Variants in COL11A2 observed in about 807,000 individuals in gnomAD.
The protein encoded by COL11A2 is collagen type XI alpha 2 chain.
COL11A2 carries 116 observed loss-of-function variants against 273.4 expected under a neutral mutation model. The ratio of observed to expected loss-of-function variants is 0.42; its 90% CI spans 0.36 to 0.49. The LOEUF is 0.49. Ranked by LOEUF, COL11A2 falls within the 20% of genes least tolerant of loss-of-function variation. COL11A2 has a pLI of 0.00. For synonymous variants in COL11A2, 782 were observed against 864.2 expected (o/e 0.90, Z 1.67); for missense variants, 1,866 against 2,309.0 (o/e 0.81, Z 3.93).
In COL11A2 at chr6:33,174,476, C is replaced by G. The variant is rs2855428; in HGVS notation, c.2430+51G>C. 1,191,096 of 1,600,220 alleles carry G rather than the reference C, an allele frequency of 0.74. 447,270 individuals are homozygous for G. The highest frequency in any genetic ancestry group is 0.98 in the East Asian group (43,808 of 44,692). On this transcript the variant is annotated intron_variant, in intron 31 of 65. Transcript: ENST00000341947. ...TTTCTGGAATCAGGGATCAGGGAAGCGAAGAGGAGGAGGGAAGAGGAGGAG... is the reference window on the plus strand; with the variant it reads ...TTTCTGGAATCAGGGATCAGGGAAGGGAAGAGGAGGAGGGAAGAGGAGGAG...
chr6:33,192,500 C>A, upstream of COL11A2: 1 of 546,234 alleles, frequency 1.8e-6, no homozygotes, highest in South Asian at 2.1e-5. Flanking sequence ...AGAGCCCCCA[C>A]CTCGCCCCCG....
Position 33,192,199 on chromosome 6 carries a change from T to TAGGAGG in COL11A2, c.36_41dup (p.Leu13_Leu14dup). On this transcript the variant is annotated inframe_insertion, in exon 1 of 66. Transcript: ENST00000341947. ...CCGCGCTCAGCCCCAGCACCAGAGG[T>TAGGAGG]AGGAGGAGGAGGAGGCGATGGCAGC... 6.4e-7 allele frequency: 1 copy of TAGGAGG among 1,565,942 alleles called. No individual in the cohort carries two copies. The highest frequency in any genetic ancestry group is 8.7e-7 in the Non-Finnish European group (1 of 1,155,400).
At position 33,176,687 on chromosome 6, in the gene COL11A2, C is replaced by T; in HGVS notation, c.2115+34G>A. On this transcript the variant is annotated intron_variant, in intron 26 of 65. Coordinates refer to ENST00000341947, the MANE Select transcript of COL11A2 (RefSeq NM_080680.3). The surrounding 1 kb of genome is among the most constrained non-coding windows in gnomAD (Gnocchi z 4.9). Reference sequence around the variant, plus strand: ...TGAGGCTCTAGAGTCTGAGTGGAGACTCCCTCAGGGGATAAAGACATGGAA... The same window carrying T: ...TGAGGCTCTAGAGTCTGAGTGGAGATTCCCTCAGGGGATAAAGACATGGAA... The T allele has an allele frequency of 6.2e-7, 1 of 1,600,388 alleles. No homozygotes were observed. The highest frequency in any genetic ancestry group is 8.6e-7 in the Non-Finnish European group (1 of 1,169,406).
Position 33,164,138 on chromosome 6 carries a change from A to G in COL11A2, c.5070+129T>C. 8.8e-7 allele frequency: 1 copy of G among 1,140,338 alleles called. No individual in the cohort carries two copies. 70.6% of individuals were successfully genotyped at this position (1,140,338 alleles called of 1,614,324 possible). A position where few individuals can be genotyped will look rare whatever the true frequency, so the allele number is the denominator to read the frequency against. ...CACCGGCTTTTGAGCTCCCTCAGGCATCCCTGACAATCCAGCAGGACGGAC... is the reference window on the plus strand; with the variant it reads ...CACCGGCTTTTGAGCTCCCTCAGGCGTCCCTGACAATCCAGCAGGACGGAC... On this transcript the variant is annotated intron_variant, in intron 65 of 65. Transcript: ENST00000341947. This position sits in a 1 kb window ranked among gnomAD's most constrained non-coding sequence, Gnocchi z 4.7.
rs549623570 is a variant in COL11A2 at position 33,177,932 on chromosome 6, C to T, written c.1872+200G>A. On this transcript the variant is annotated intron_variant, in intron 21 of 65. Transcript: ENST00000341947. The surrounding 1 kb of genome is among the most constrained non-coding windows in gnomAD (Gnocchi z 5.9). ...ATTTATTTCCTATGCCCAGAGCCCTCAGGGCACCACGCCACATGGCCCTCC... is the reference window on the plus strand; with the variant it reads ...ATTTATTTCCTATGCCCAGAGCCCTTAGGGCACCACGCCACATGGCCCTCC... 2.5e-5 allele frequency: 19 copies of T among 768,868 alleles called. No individual in the cohort carries two copies. The highest frequency in any genetic ancestry group is 1.6e-4 in the African/African-American group (9 of 57,566). 47.6% of individuals were successfully genotyped at this position (768,868 alleles called of 1,614,324 possible).
Position 33,177,850 on chromosome 6 carries a change from A to G in COL11A2, c.1873-144T>C. The G allele has an allele frequency of 1.1e-6, 1 of 920,624 alleles. No homozygotes were observed. Among genetic ancestry groups the G allele is most frequent in the Non-Finnish European group, 1.7e-6 (1 of 572,122 alleles). 57.0% of individuals were successfully genotyped at this position (920,624 alleles called of 1,614,324 possible). On this transcript the variant is annotated intron_variant, in intron 21 of 65. Transcript: ENST00000341947. The surrounding 1 kb of genome is among the most constrained non-coding windows in gnomAD (Gnocchi z 5.9). ...GCAAACACAGCTGGCCCAGGCCTGC[A>G]GTGTGTGGGACTGTGGATCTGTGGG... is the stretch of plus-strand genomic sequence containing the variant.
At chr6:33,175,521 C>T (rs1344082535) in intron 30 of COL11A2, 53 bp downstream of exon 30, 3 of 1,512,558 alleles carry the variant, frequency 2.0e-6, no homozygotes, top group African/African-American at 2.7e-5. Context: ...CCCATCCTGA[C>T]CCCAGTGCCC....
In COL11A2 at chr6:33,168,368, G is replaced by A. The variant is rs986521; in HGVS notation, c.3960+151C>T. 0.79 allele frequency: 680,477 copies of A among 861,220 alleles called. 272,669 individuals carry two copies. The highest frequency in any genetic ancestry group is 0.99 in the East Asian group (37,848 of 38,194). The allele number at this position is 861,220 out of a possible 1,614,324, so 53.3% of individuals were successfully genotyped here. A position where few individuals can be genotyped will look rare whatever the true frequency, so the allele number is the denominator to read the frequency against. On this transcript the variant is annotated intron_variant, in intron 54 of 65. Coordinates refer to ENST00000341947, the MANE Select transcript of COL11A2 (RefSeq NM_080680.3). ...TGCCCCGGGCAATGAGATACCACAC[G>A]CCCTTAAACCCACCAGCTCCTGCAC...
upstream of COL11A2, chr6:33,192,542 G>A: frequency 4.7e-6 from 2 of 425,666 alleles, no homozygotes; most frequent in South Asian, 2.4e-5. Context: ...CCAGCCGCCC[G>A]CCCACAGCCA....
Position 33,170,580 on chromosome 6 carries a change from C to T in COL11A2, c.3505G>A (p.Glu1169Lys). ...ACCATAGGACCCACATCTCCTGTTT[C>T]TCCCTTCTCCCCAGAGGGGCCTGGC... Reference protein sequence around the residue: ...GLPGPSGEKGETGDVGPMGPP... With the variant: ...GLPGPSGEKGKTGDVGPMGPP... Residue 1169 changes from glutamate (E) to lysine (K), a missense_variant, in exon 47 of 66, where the codon GAA (glutamate) becomes AAA (lysine). Glu to Lys is a moderately conservative substitution (Grantham distance 56). Coordinates refer to ENST00000341947, the MANE Select transcript of COL11A2 (RefSeq NM_080680.3). This position sits in a 1 kb window ranked among gnomAD's most constrained non-coding sequence, Gnocchi z 4.3. 1 of 1,612,394 alleles carries T rather than the reference C, an allele frequency of 6.2e-7. No individual in the cohort carries two copies. The highest frequency in any genetic ancestry group is 8.5e-7 in the Non-Finnish European group (1 of 1,179,818).
Position 33,165,633 on chromosome 6 carries a change from G to A in COL11A2, c.4666C>T (p.Gln1556Ter). ...SLDSLREEIEQMRRPTGTQDS... is the reference protein window; with the variant it reads ...SLDSLREEIE Reference sequence around the variant, plus strand: ...TGGGTCCCTGTTGGCCGCCTCATCTGCTCGATCTCCTCCCGCAGGGAGTCG... The same window carrying A: ...TGGGTCCCTGTTGGCCGCCTCATCTACTCGATCTCCTCCCGCAGGGAGTCG... Residue 1556 changes from glutamine to a stop codon, truncating the protein, a stop_gained, in exon 63 of 66, where the codon CAG becomes TAG. Transcript: ENST00000341947. LOFTEE classifies it high-confidence loss of function. The surrounding 1 kb of genome is among the most constrained non-coding windows in gnomAD (Gnocchi z 7.7). 1 of 1,613,094 alleles carries A rather than the reference G, an allele frequency of 6.2e-7. No individual in the cohort carries two copies. Among genetic ancestry groups the A allele is most frequent in the Non-Finnish European group, 8.5e-7 (1 of 1,180,012 alleles).
Position 33,185,072 on chromosome 6 carries a change from A to T in COL11A2, c.877-18T>A. 1 of 1,541,428 alleles carries T rather than the reference A, an allele frequency of 6.5e-7. No individual in the cohort carries two copies. Among genetic ancestry groups the T allele is most frequent in the Non-Finnish European group, 8.8e-7 (1 of 1,137,956 alleles). The stretch of plus-strand genomic sequence containing the variant: ...GTGGGGTCCTGACCCCAAGGAGAGA[A>T]GGAGAAGAGTAGCACGGGGTGGGAA... On this transcript the variant is annotated intron_variant, in intron 6 of 65. Coordinates refer to ENST00000341947, the MANE Select transcript of COL11A2 (RefSeq NM_080680.3).
In COL11A2 at chr6:33,170,268, A is replaced by G; in HGVS notation, c.3582+58T>C. Reference sequence around the variant, plus strand: ...CGATACTAGAGTTTATGGTCTGGGAAAGGGAGGCAGAAGACCAGACACATT... The same window carrying G: ...CGATACTAGAGTTTATGGTCTGGGAGAGGGAGGCAGAAGACCAGACACATT... On this transcript the variant is annotated intron_variant, in intron 48 of 65. Coordinates refer to ENST00000341947, the MANE Select transcript of COL11A2 (RefSeq NM_080680.3). The surrounding 1 kb of genome is among the most constrained non-coding windows in gnomAD (Gnocchi z 4.3). 1 of 1,594,042 alleles carries G rather than the reference A, an allele frequency of 6.3e-7. No individual in the cohort carries two copies. The highest frequency in any genetic ancestry group is 8.6e-7 in the Non-Finnish European group (1 of 1,164,988).
intron 5 of COL11A2, 45 bp downstream of exon 5, chr6:33,186,582 C>T (rs1474197894): frequency 3.7e-6 from 6 of 1,613,838 alleles, no homozygotes; most frequent in Non-Finnish European, 5.1e-6. Context: ...GGTGTCTTCC[C>T]TCTCTGGGGT....
At position 33,164,375 on chromosome 6, in the gene COL11A2, G is replaced by A; in HGVS notation, c.4962C>T (p.Pro1654=). The change falls in exon 65 of 66, where the codon CCC becomes CCT. Residue 1654 remains proline (P), a synonymous_variant. Coordinates refer to ENST00000341947, the MANE Select transcript of COL11A2 (RefSeq NM_080680.3). The surrounding 1 kb of genome is among the most constrained non-coding windows in gnomAD (Gnocchi z 4.7). ...GACCGTCACGGGCTGCTCCAGAGCA[G>A]GGGTAGGAGACGTCCTGGTGGGCTG... ...SVSAHQDVSY[P]CSGAARDGPL... is the part of the protein sequence containing the mutation. 6.2e-7 allele frequency: 1 copy of A among 1,611,974 alleles called. No individual in the cohort carries two copies.
Position 33,164,746 on chromosome 6 carries a change from C to CGG in COL11A2, c.4863+104_4863+105dup. 4 of 919,204 alleles carry CGG rather than the reference C, an allele frequency of 4.4e-6. No homozygotes were observed. The highest frequency in any genetic ancestry group is 1.6e-6 in the Non-Finnish European group (1 of 609,570). 56.9% of individuals were successfully genotyped at this position (919,204 alleles called of 1,614,324 possible). A position where few individuals can be genotyped will look rare whatever the true frequency, so the allele number is the denominator to read the frequency against. ...GAAGTGGAGAAGGGGTGGCAGGCTC[C>CGG]GGGGGGGGCAACAGCCAGGGGACTG... On this transcript the variant is annotated intron_variant, in intron 64 of 65. Transcript: ENST00000341947. This position sits in a 1 kb window ranked among gnomAD's most constrained non-coding sequence, Gnocchi z 4.7.
At chr6:33,175,441 A>T (rs1384489649) in intron 30 of COL11A2, 133 bp downstream of exon 30, 1 of 762,616 alleles carries the variant, frequency 1.3e-6, no homozygotes, top group Non-Finnish European at 2.3e-6. Context: ...TGCCATTTAC[A>T]CAGACAGAAG....
chr6:33,180,846 T>TC, intron 10 of COL11A2, 116 bp from the exon 11 acceptor site: 2 of 1,554,792 alleles, frequency 1.3e-6, no homozygotes, highest in Non-Finnish European at 1.8e-6. Context: ...AAGCGTTGAT[T>TC]GGAGGGATGC....
In COL11A2 at chr6:33,165,817, C is replaced by T. The variant is rs1164060007; in HGVS notation, c.4483-1G>A. 6.2e-7 allele frequency: 1 copy of T among 1,613,538 alleles called. No individual in the cohort carries two copies. Among genetic ancestry groups the T allele is most frequent in the Non-Finnish European group, 8.5e-7 (1 of 1,179,996 alleles). ...GCTGGATCACCTCGCCTGGGGGACCCTGGGTGCAGGGACAGATGGAGAGGG... is the reference window on the plus strand; with the variant it reads ...GCTGGATCACCTCGCCTGGGGGACCTTGGGTGCAGGGACAGATGGAGAGGG... On this transcript the variant is annotated splice_acceptor_variant, in intron 62 of 65. Transcript: ENST00000341947. LOFTEE classifies it high-confidence loss of function. The surrounding 1 kb of genome is among the most constrained non-coding windows in gnomAD (Gnocchi z 7.7).
Sources: allele counts gnomAD v4.1 joint callset, GRCh38; gene constraint gnomAD v4.1.1; non-coding constraint Gnocchi (gnomAD v3.1); transcripts MANE v1.5; gene names NCBI Gene and HGNC (gene_info 2026-07-23, HGNC 2026-07-21).